Variants in SULT1E1 observed in about 807,000 individuals in gnomAD.
SULT1E1 encodes sulfotransferase family 1E member 1.
A neutral mutation model predicts 33.6 loss-of-function variants in SULT1E1; 36 were observed. That is an observed-to-expected ratio of 1.07 (90% CI 0.82 to 1.41). The LOEUF (loss-of-function observed/expected upper bound fraction) is 1.41. SULT1E1 is among the 40% of genes most tolerant of loss of function. SULT1E1 has a pLI of 0.00. For missense variants in SULT1E1, 371 were observed against 345.7 expected, an observed-to-expected ratio of 1.07 and a Z score of -0.58; for synonymous variants, 121 against 111.7, an observed-to-expected ratio of 1.08 and a Z score of -0.53.
chr4:69,825,748 C>A, the SULT1E1 span, among the ~76,000 whole-genome samples: 1 of 151,592 alleles, frequency 6.6e-6, no homozygotes, highest in Non-Finnish European at 1.5e-5. Flanking sequence ...ATAAGCGAAA[C>A]TCTGAAAGTC....
chr4:69,821,770 A>G, the SULT1E1 span, among the ~76,000 whole-genome samples: 1 of 152,228 alleles, frequency 6.6e-6, no homozygotes, highest in Non-Finnish European at 1.5e-5. Context: ...AAGCTATGAT[A>G]GTAAATATGT....
chr4:69,828,984 GT>G, the SULT1E1 span, among the ~76,000 whole-genome samples: 2 of 152,166 alleles, frequency 1.3e-5, no homozygotes, highest in African/African-American at 4.8e-5. Context: ...TTGTGGGAGA[GT>G]TCTTAAATCC....
intron 6 of SULT1E1, among the ~76,000 whole-genome samples, chr4:69,847,000 CA>C (rs1027917740): frequency 3.3e-5 from 5 of 151,420 alleles, no homozygotes; most frequent in African/African-American, 9.7e-5. Context: ...TCTTATATAC[CA>C]AAAACATTTT....
the SULT1E1 span, among the ~76,000 whole-genome samples, chr4:69,834,970 C>A: frequency 6.6e-6 from 1 of 152,082 alleles, no homozygotes; most frequent in Admixed American, 6.6e-5. Flanking sequence ...AGAATTGTTA[C>A]CATATCAAGA....
chr4:69,844,712 A>G (rs1225537689), intron 6 of SULT1E1, among the ~76,000 whole-genome samples: 1 of 152,092 alleles, frequency 6.6e-6, no homozygotes, highest in Non-Finnish European at 1.5e-5. Flanking sequence ...GGCAATTTTC[A>G]TTTTTCTCCT....
chr4:69,824,627 A>G, the SULT1E1 span, among the ~76,000 whole-genome samples: 1 of 152,090 alleles, frequency 6.6e-6, no homozygotes, highest in Admixed American at 6.6e-5. Flanking sequence ...GTGTCTAGCT[A>G]AAGGATGGTA....
At chr4:69,826,968 C>T in the SULT1E1 span, among the ~76,000 whole-genome samples, 1 of 152,018 alleles carries the variant, frequency 6.6e-6, no homozygotes, top group African/African-American at 2.4e-5. Flanking sequence ...CAGAAGGAAA[C>T]AAGCAAAGAA....
chr4:69,851,264 A>C lies in SULT1E1; in HGVS notation c.370-1701T>G, dbSNP rs139187037. On this transcript the variant is annotated intron_variant, in intron 4 of 7. Transcript: ENST00000226444. ...AATATCCAGAATATACAAAAAACTC[A>C]AACAAATTTACAAGAAAAAAACAAA... Among the ~76,000 whole-genome samples, 590 of 152,304 alleles carry C rather than the reference A, an allele frequency of 3.9e-3. 6 individuals carry two copies. Among genetic ancestry groups the C allele is most frequent in the African/African-American group, 0.013 (551 of 41,580 alleles).
chr4:69,848,461 T>A (rs989621407), intron 5 of SULT1E1, among the ~76,000 whole-genome samples: 1 of 151,888 alleles, frequency 6.6e-6, no homozygotes, highest in Admixed American at 6.6e-5. Flanking sequence ...AGTCAAAAGG[T>A]TCTGCTTTGC....
In SULT1E1 at chr4:69,841,921, T is replaced by C; in HGVS notation, c.*73A>G. On this transcript the variant is annotated 3_prime_UTR_variant, in exon 8 of 8. Coordinates refer to ENST00000226444, the MANE Select transcript of SULT1E1 (RefSeq NM_005420.3). ...CATGATTATGTCTTTTCTAGCAATC[T>C]AAAATAAGAAAAAGTGGAGAATAAT... is the stretch of plus-strand genomic sequence containing the variant. 3 of 825,454 alleles carry C rather than the reference T, an allele frequency of 3.6e-6. No homozygotes were observed. In the South Asian group the frequency reaches 5.2e-5, roughly 14 times the overall value. 51.1% of individuals were successfully genotyped at this position (825,454 alleles called of 1,614,324 possible).
At chr4:69,825,723 G>A in the SULT1E1 span, among the ~76,000 whole-genome samples, 2 of 152,122 alleles carry the variant, frequency 1.3e-5, no homozygotes, top group Non-Finnish European at 2.9e-5. Context: ...CAACAAGTCG[G>A]TTGACCCTGC....
downstream of SULT1E1, among the ~76,000 whole-genome samples, chr4:69,837,074 C>A (rs1483645749): frequency 2.2e-5 from 2 of 90,270 alleles, no homozygotes; most frequent in Non-Finnish European, 5.2e-5. Context: ...CAGAGCGAGA[C>A]CCTCCCTGTC....
chr4:69,841,310 A>G lies in SULT1E1; in HGVS notation c.*684T>C, dbSNP rs1005366551. The G allele has an allele frequency of 3.9e-5, 6 of 152,214 alleles. No homozygotes were observed. The highest frequency in any genetic ancestry group is 5.9e-5 in the Non-Finnish European group (4 of 68,044). 9.4% of individuals were successfully genotyped at this position (152,214 alleles called of 1,614,324 possible). Reference sequence around the variant, plus strand: ...TAGGTTATAGTTGTGCATGATATTTATAAAAAATAGAAAAGAAGAAGAGGA... The same window carrying G: ...TAGGTTATAGTTGTGCATGATATTTGTAAAAAATAGAAAAGAAGAAGAGGA... On this transcript the variant is annotated 3_prime_UTR_variant, in exon 8 of 8. Transcript: ENST00000226444.
At chr4:69,857,734 T>G in intron 1 of SULT1E1, 81 bp from the exon 2 acceptor site, 2 of 1,290,370 alleles carry the variant, frequency 1.5e-6, no homozygotes, top group Non-Finnish European at 2.1e-6. Context: ...AACGGGACCC[T>G]CCTACATACC....
the SULT1E1 span, among the ~76,000 whole-genome samples, chr4:69,821,177 AAC>A: frequency 3.3e-5 from 5 of 152,204 alleles, no homozygotes; most frequent in African/African-American, 1.2e-4. Flanking sequence ...CATCAGTTAA[AAC>A]ACTGTTTTTT....
intron 6 of SULT1E1, 44 bp downstream of exon 6, chr4:69,847,654 A>G (rs368017595): frequency 1.6e-6 from 2 of 1,255,316 alleles, no homozygotes; most frequent in Admixed American, 2.1e-5. Flanking sequence ...AAATGCTAAC[A>G]TCTTAGAAAT....
chr4:69,854,780 G>A (rs1227751031), intron 3 of SULT1E1, among the ~76,000 whole-genome samples: 5 of 151,866 alleles, frequency 3.3e-5, no homozygotes, highest in Non-Finnish European at 7.4e-5. Flanking sequence ...ACAGATGAAC[G>A]TTTTGATAGC....
At position 69,847,744 on chromosome 4, in the gene SULT1E1, C is replaced by T; in HGVS notation, c.545G>A (p.Gly182Glu). 6.2e-7 allele frequency: 1 copy of T among 1,609,748 alleles called. No homozygotes were observed. Among genetic ancestry groups the T allele is most frequent in the South Asian group, 1.1e-5 (1 of 90,800 alleles). ...YKHVKSWWEK[G>E]KSPRVLFLFY... Reference sequence around the variant, plus strand: ...AAGAAATAGTACACGTGGACTCTTTCCCTTTTCCCACCAAGATTTTACATG... The same window carrying T: ...AAGAAATAGTACACGTGGACTCTTTTCCTTTTCCCACCAAGATTTTACATG... The change falls in exon 6 of 8, where the codon GGA (glycine) becomes GAA (glutamate). Residue 182 changes from glycine (G) to glutamate (E), a missense_variant. Gly to Glu is a moderately conservative substitution (Grantham distance 98). Transcript: ENST00000226444.
the SULT1E1 span, among the ~76,000 whole-genome samples, chr4:69,828,750 T>C: frequency 9.9e-5 from 15 of 152,236 alleles, no homozygotes; most frequent in Non-Finnish European, 1.5e-5. Flanking sequence ...TCTTTTCCCT[T>C]GGCTTATATA....
Sources: gnomAD v4.1 joint callset for allele counts (sites outside exome capture counted in the v4.1 genomes callset) on GRCh38, gnomAD v4.1.1 for gene constraint, MANE v1.5 for transcripts, NCBI Gene and HGNC (gene_info 2026-07-23, HGNC 2026-07-21) for gene names.